The following MOB1B variants were observed in gnomAD, a reference collection of about 807,000 sequenced individuals.
MOB1B encodes MOB kinase activator 1B.
Under a neutral mutation model 24.4 loss-of-function variants are expected in MOB1B, and 19 were observed. The observed-to-expected ratio is 0.78, with a 90% CI of 0.54 to 1.14. The LOEUF is 1.14. MOB1B is among the 50% of genes most tolerant of loss of function. The probability of loss-of-function intolerance (pLI) is 0.00; values close to 1 mark genes in which losing one functional copy is unlikely to be tolerated. For missense variants in MOB1B, 243 were observed against 259.6 expected, an observed-to-expected ratio of 0.94 and a Z score of 0.44; for synonymous variants, 76 against 82.1, an observed-to-expected ratio of 0.93 and a Z score of 0.40.
Position 70,902,484 on chromosome 4 carries a change from C to A in MOB1B, c.-53C>A. On this transcript the variant is annotated 5_prime_UTR_variant, in exon 1 of 6. Coordinates refer to ENST00000309395, the MANE Select transcript of MOB1B (RefSeq NM_173468.4). ...GCCTTTCCTCTTCTTTCCTGGCCCACGCCGCTCCGAGGCCTCGCGACCGCC... is the reference window on the plus strand; with the variant it reads ...GCCTTTCCTCTTCTTTCCTGGCCCAAGCCGCTCCGAGGCCTCGCGACCGCC... The A allele has an allele frequency of 1.3e-6, 2 of 1,547,518 alleles. No individual in the cohort carries two copies. The highest frequency in any genetic ancestry group is 1.7e-6 in the Non-Finnish European group (2 of 1,143,722).
At chr4:70,949,981 GA>G (rs896066364) in intron 1 of MOB1B, among the ~76,000 whole-genome samples, 2 of 151,498 alleles carry the variant, frequency 1.3e-5, no homozygotes, top group African/African-American at 2.4e-5. Flanking sequence ...TTAAAAATAA[GA>G]AAAAAAAGGT....
intron 1 of MOB1B, among the ~76,000 whole-genome samples, chr4:70,935,471 T>A: frequency 6.6e-6 from 1 of 152,226 alleles, no homozygotes; most frequent in East Asian, 1.9e-4. Context: ...GATTGCTCTC[T>A]GAAGTCTCGC....
In MOB1B at chr4:70,969,948, C is replaced by A; in HGVS notation, c.199C>A (p.Gln67Lys). The A allele has an allele frequency of 6.3e-7, 1 of 1,599,496 alleles. No homozygotes were observed. Among genetic ancestry groups the A allele is most frequent in the South Asian group, 1.1e-5 (1 of 87,902 alleles). Residue 67 changes from glutamine (Q) to lysine (K), a missense_variant, in exon 3 of 6, where the codon CAG (glutamine) becomes AAG (lysine). Transcript: ENST00000309395. ...VAVNTVDFFN[Q>K]INMLYGTITD... is the part of the protein sequence containing the mutation. ...CTTTACAGCTGTGGATTTCTTCAAT[C>A]AGATCAACATGCTTTATGGAACTAT...
chr4:70,903,905 G>A (rs561343311), intron 1 of MOB1B, among the ~76,000 whole-genome samples: 2 of 151,116 alleles, frequency 1.3e-5, no homozygotes, highest in East Asian at 3.9e-4. Context: ...TGAGTTTGTC[G>A]GATTGGCATA....
intron 2 of MOB1B, among the ~76,000 whole-genome samples, chr4:70,969,439 T>G (rs1312520739): frequency 6.6e-6 from 1 of 152,244 alleles, no homozygotes; most frequent in Non-Finnish European, 1.5e-5. Context: ...CCTGGTTCTT[T>G]AAGAATGTGT....
chr4:70,932,036 C>G (rs911256065), intron 1 of MOB1B, among the ~76,000 whole-genome samples: 1 of 152,150 alleles, frequency 6.6e-6, no homozygotes, highest in African/African-American at 2.4e-5. Flanking sequence ...GGCTGGTTTT[C>G]TGCTCTTTTC....
intron 1 of MOB1B, among the ~76,000 whole-genome samples, chr4:70,918,083 A>ACTTT (rs1736265572): frequency 6.6e-6 from 1 of 152,236 alleles, no homozygotes; most frequent in Non-Finnish European, 1.5e-5. Context: ...ATCCTAAAGA[A>ACTTT]GATTGAACAT....
At chr4:70,964,076 A>G (rs1284138249) in intron 2 of MOB1B, among the ~76,000 whole-genome samples, 1 of 152,256 alleles carries the variant, frequency 6.6e-6, no homozygotes. Flanking sequence ...CAAATAGTAT[A>G]TAAAATTCTG....
At chr4:70,927,539 CA>C (rs111980845) in intron 1 of MOB1B, among the ~76,000 whole-genome samples, 6,513 of 140,562 alleles carry the variant, frequency 0.046, 306 homozygotes, top group African/African-American at 0.13. Flanking sequence ...GAATCTGTCT[CA>C]AAAAAAAAAA....
At position 70,946,084 on chromosome 4, in the gene MOB1B, C is replaced by T. The variant is rs367825715; in HGVS notation, c.15-12790C>T. Among the ~76,000 whole-genome samples, 371 of 85,262 alleles carry T rather than the reference C, an allele frequency of 4.4e-3. 5 individuals carry two copies. The highest frequency in any genetic ancestry group is 3.9e-3 in the Non-Finnish European group (160 of 41,530). The allele number at this position is 85,262 out of a possible 152,430, so 55.9% of individuals were successfully genotyped here. On this transcript the variant is annotated intron_variant, in intron 1 of 5. Transcript: ENST00000309395. ...TTGGCTAAGCTGGTTTTTGTTTGTT[C>T]TTTTTTTTTTTTTTTTTTTTTTGGC...
intron 2 of MOB1B, among the ~76,000 whole-genome samples, chr4:70,962,550 A>T (rs1432894698): frequency 6.6e-6 from 1 of 152,174 alleles, no homozygotes; most frequent in African/African-American, 2.4e-5. Flanking sequence ...GCATGAATTG[A>T]ATGATAGACC....
At chr4:70,950,717 T>C (rs1737765763) in intron 1 of MOB1B, 1 of 1,528,138 alleles carries the variant, frequency 6.5e-7, no homozygotes, top group Non-Finnish European at 8.8e-7. Flanking sequence ...CAGCCTGAAG[T>C]TGACTGGAAC....
chr4:70,968,872 C>T (rs1738645517), intron 2 of MOB1B, among the ~76,000 whole-genome samples: 1 of 152,194 alleles, frequency 6.6e-6, no homozygotes, highest in African/African-American at 2.4e-5. Context: ...ATTCTCTTGC[C>T]TCAGCCTCCC....
rs534253231 is a variant in MOB1B at position 70,961,896 on chromosome 4, C to G, written c.181+2856C>G. Among the ~76,000 whole-genome samples, 2 of 152,082 alleles carry G rather than the reference C, an allele frequency of 1.3e-5. 1 individual carries two copies. The highest frequency in any genetic ancestry group is 6.8e-3 in the Middle Eastern group (2 of 294). On this transcript the variant is annotated intron_variant, in intron 2 of 5. Coordinates refer to ENST00000309395, the MANE Select transcript of MOB1B (RefSeq NM_173468.4). ...TGAAAGTGTAATTACTTAGCTAATA[C>G]AGGAGAAAAATAGAATAATAAAAAA... is the stretch of plus-strand genomic sequence containing the variant.
At chr4:70,914,131 G>A (rs1736106077) in intron 1 of MOB1B, among the ~76,000 whole-genome samples, 1 of 152,168 alleles carries the variant, frequency 6.6e-6, no homozygotes, top group Non-Finnish European at 1.5e-5. Context: ...TCTACCATGT[G>A]AGGACACATA....
chr4:70,955,369 C>T (rs543301582), intron 1 of MOB1B, among the ~76,000 whole-genome samples: 6 of 151,864 alleles, frequency 4.0e-5, no homozygotes, highest in Non-Finnish European at 7.4e-5. Flanking sequence ...TGAAGATTTG[C>T]ACCACATTAG....
intron 1 of MOB1B, among the ~76,000 whole-genome samples, chr4:70,910,000 G>A (rs964888515): frequency 4.6e-5 from 7 of 151,676 alleles, no homozygotes; most frequent in Admixed American, 3.9e-4. Flanking sequence ...CTCCCACCTC[G>A]GCCTCCCAAA....
chr4:70,902,773 T>A (rs952973202), intron 1 of MOB1B, among the ~76,000 whole-genome samples: 2 of 152,192 alleles, frequency 1.3e-5, no homozygotes, highest in African/African-American at 4.8e-5. Context: ...CCTGCAGCCC[T>A]GAGGAGGTTC....
chr4:70,965,346 T>G (rs1339175866), intron 2 of MOB1B, among the ~76,000 whole-genome samples: 1 of 148,792 alleles, frequency 6.7e-6, no homozygotes, highest in Non-Finnish European at 1.5e-5. Context: ...GTTTAAAAAT[T>G]TATAACTCCT....
Sources: gnomAD v4.1 joint callset for allele counts (sites outside exome capture counted in the v4.1 genomes callset) on GRCh38, gnomAD v4.1.1 for gene constraint, MANE v1.5 for transcripts, NCBI Gene and HGNC (gene_info 2026-07-23, HGNC 2026-07-21) for gene names.